Variants in PRMT8 observed in about 807,000 individuals in gnomAD.
PRMT8 encodes protein arginine N-methyltransferase 8.
In PRMT8, 7 loss-of-function variants were observed where a neutral mutation model predicts 47.1. The ratio of observed to expected loss-of-function variants is 0.15; its 90% confidence interval spans 0.08 to 0.28. The LOEUF (loss-of-function observed/expected upper bound fraction) is 0.28, where lower values mean the gene tolerates loss of function less well. Ranked by LOEUF, PRMT8 falls within the 10% of genes least tolerant of loss-of-function variation. The probability of loss-of-function intolerance (pLI) is 1.00; values close to 1 mark genes in which losing one functional copy is unlikely to be tolerated. For missense variants in PRMT8, 237 were observed against 505.4 expected (o/e 0.47, Z 5.09); for synonymous variants, 188 against 186.5 (o/e 1.01, Z -0.07).
intron 1 of PRMT8, among the ~76,000 whole-genome samples, chr12:3,466,740 A>T (rs1251377914): frequency 1.3e-5 from 2 of 152,214 alleles, no homozygotes; most frequent in Admixed American, 6.5e-5. Context: ...AGCAGCACTT[A>T]CTAATCCCTG....
intron 9 of PRMT8, 139 bp downstream of exon 9, chr12:3,592,491 G>A: frequency 1.1e-6 from 1 of 913,486 alleles, no homozygotes; most frequent in Admixed American, 3.4e-5. Context: ...AGCCACATGT[G>A]GACATGACTA....
chr12:3,417,524 G>A (rs1864495875), intron 1 of PRMT8, among the ~76,000 whole-genome samples: 1 of 152,240 alleles, frequency 6.6e-6, no homozygotes, highest in African/African-American at 2.4e-5. Flanking sequence ...TCTCATGTTG[G>A]TGATATAAAT....
chr12:3,386,394 A>G (rs539766828), intron 1 of PRMT8, among the ~76,000 whole-genome samples: 5 of 152,326 alleles, frequency 3.3e-5, no homozygotes, highest in Non-Finnish European at 5.9e-5. Flanking sequence ...TATTTATTAC[A>G]TTATGCCGTT....
chr12:3,428,784 CTT>C (rs550883940), intron 1 of PRMT8, among the ~76,000 whole-genome samples: 52 of 151,662 alleles, frequency 3.4e-4, no homozygotes, highest in Admixed American at 1.6e-3. Context: ...CTCTCTCTCT[CTT>C]ACCTTGACTC....
Position 3,492,412 on chromosome 12 carries a change from G to T in PRMT8, c.75+712G>T, listed in dbSNP as rs530234712. On this transcript the variant is annotated intron_variant, in intron 1 of 9. Coordinates refer to ENST00000382622, the MANE Select transcript of PRMT8 (RefSeq NM_019854.5). This position sits in a 1 kb window ranked among gnomAD's most constrained non-coding sequence, Gnocchi z 7.5. Reference sequence around the variant, plus strand: ...GACAGCGTCCGCCCCTGCAGCAGCCGAGCCTGCGCGGACTGTGGGGGCTGC... The same window carrying T: ...GACAGCGTCCGCCCCTGCAGCAGCCTAGCCTGCGCGGACTGTGGGGGCTGC... Among the ~76,000 whole-genome samples, 1 of 152,320 alleles carries T rather than the reference G, an allele frequency of 6.6e-6. No homozygotes were observed. Among genetic ancestry groups the T allele is most frequent in the Admixed American group, 6.5e-5 (1 of 15,308 alleles).
At chr12:3,585,394 T>C (rs559043729) in intron 8 of PRMT8, among the ~76,000 whole-genome samples, 1 of 129,488 alleles carries the variant, frequency 7.7e-6, no homozygotes, top group Non-Finnish European at 1.6e-5. Context: ...GGTCTCACTC[T>C]GTCTCCCAGG....
At chr12:3,422,538 C>T (rs772898738) in intron 1 of PRMT8, among the ~76,000 whole-genome samples, 8 of 152,078 alleles carry the variant, frequency 5.3e-5, no homozygotes, top group South Asian at 2.1e-4. Flanking sequence ...AGGGGGTCCG[C>T]GTGAAAGGGT....
chr12:3,465,428 G>A (rs910928186), intron 1 of PRMT8, among the ~76,000 whole-genome samples: 1 of 151,752 alleles, frequency 6.6e-6, no homozygotes, highest in African/African-American at 2.4e-5. Context: ...CTGGAATAAA[G>A]TCTCTTTGCT....
chr12:3,481,972 G>C (rs1865278306), intron 1 of PRMT8, among the ~76,000 whole-genome samples: 1 of 152,210 alleles, frequency 6.6e-6, no homozygotes, highest in South Asian at 2.1e-4. Flanking sequence ...GTCTGCAAAA[G>C]GATAGTGATG....
intron 1 of PRMT8, among the ~76,000 whole-genome samples, chr12:3,473,012 C>G (rs1565416464): frequency 6.6e-6 from 1 of 152,168 alleles, no homozygotes; most frequent in South Asian, 2.1e-4. Flanking sequence ...CCACCTCCAG[C>G]TCTTCCCCAC....
chr12:3,540,896 G>T (rs780363976), intron 2 of PRMT8, 105 bp downstream of exon 2: 2 of 1,294,942 alleles, frequency 1.5e-6, no homozygotes, highest in Non-Finnish European at 2.2e-6. Flanking sequence ...GGTAAAGGGA[G>T]TGCTCCCAGT....
At position 3,566,660 on chromosome 12, in the gene PRMT8, G is replaced by A. The variant is rs74537851; in HGVS notation, c.482-2046G>A. Among the ~76,000 whole-genome samples, 2,139 of 152,270 alleles carry A rather than the reference G, an allele frequency of 0.014. 48 individuals carry two copies. The highest frequency in any genetic ancestry group is 0.048 in the African/African-American group (2,011 of 41,530). On this transcript the variant is annotated intron_variant, in intron 4 of 9. Transcript: ENST00000382622. The surrounding 1 kb of genome is among the most constrained non-coding windows in gnomAD (Gnocchi z 4.7). The stretch of plus-strand genomic sequence containing the variant: ...AAACTAAATAAAGCCAGCAAACGGT[G>A]TGCTCTTTGCCATCCAGGAGCCTCA...
At chr12:3,390,815 C>G (rs948664502) in intron 1 of PRMT8, among the ~76,000 whole-genome samples, 1 of 152,200 alleles carries the variant, frequency 6.6e-6, no homozygotes, top group African/African-American at 2.4e-5. Flanking sequence ...ATTATAAGCT[C>G]CATAAGGTCA....
At chr12:3,546,466 C>G (rs1201652809) in intron 2 of PRMT8, among the ~76,000 whole-genome samples, 2 of 151,986 alleles carry the variant, frequency 1.3e-5, no homozygotes, top group Non-Finnish European at 2.9e-5. Context: ...AGAGAAAACA[C>G]AAATTAAAAT....
chr12:3,387,406 C>T (rs1864152671), intron 1 of PRMT8, among the ~76,000 whole-genome samples: 1 of 152,188 alleles, frequency 6.6e-6, no homozygotes, highest in African/African-American at 2.4e-5. Context: ...TATACTTTAT[C>T]ATCCTCTCAG....
intron 4 of PRMT8, 142 bp from the exon 5 acceptor site, chr12:3,568,564 T>C (rs1866776595): frequency 8.0e-6 from 7 of 877,416 alleles, no homozygotes; most frequent in Non-Finnish European, 1.0e-5. Context: ...ATAAACTAGT[T>C]TGGTAAAGGG....
intron 1 of PRMT8, among the ~76,000 whole-genome samples, chr12:3,476,847 C>T (rs868848225): frequency 6.6e-6 from 1 of 152,194 alleles, no homozygotes; most frequent in Admixed American, 6.5e-5. Flanking sequence ...GCTAAGTAGG[C>T]ACTGGGCTTC....
intron 1 of PRMT8, among the ~76,000 whole-genome samples, chr12:3,499,340 TC>T (rs1224800549): frequency 1.1e-5 from 1 of 92,916 alleles, no homozygotes; most frequent in African/African-American, 4.6e-5. Context: ...ATGCTATCCC[TC>T]CCCCCTCCCC....
intron 2 of PRMT8, among the ~76,000 whole-genome samples, chr12:3,548,033 G>C (rs1866356266): frequency 6.6e-6 from 1 of 152,236 alleles, no homozygotes; most frequent in African/African-American, 2.4e-5. Flanking sequence ...AGTCAAGTCA[G>C]TGTTGACTTT....
Sources: gnomAD v4.1 joint callset for allele counts (sites outside exome capture counted in the v4.1 genomes callset) on GRCh38, gnomAD v4.1.1 for gene constraint, Gnocchi (gnomAD v3.1) non-coding constraint, MANE v1.5 for transcripts, NCBI Gene and HGNC (gene_info 2026-07-23, HGNC 2026-07-21) for gene names.